The following DGKB variants were observed in gnomAD, a reference collection of about 807,000 sequenced individuals.
The protein encoded by DGKB is diacylglycerol kinase beta.
DGKB carries 67 observed loss-of-function variants against 114.3 expected under a neutral mutation model. The ratio of observed to expected loss-of-function variants is 0.59; its 90% CI spans 0.48 to 0.72. The LOEUF (loss-of-function observed/expected upper bound fraction) is 0.72. Ranked by LOEUF, DGKB falls within the 30% of genes least tolerant of loss-of-function variation. The pLI, the probability that DGKB is intolerant of heterozygous loss-of-function variation, is 0.00. For synonymous variants in DGKB, 398 were observed against 323.1 expected, an observed-to-expected ratio of 1.23 and a Z score of -2.49; for missense variants, 907 against 975.2, an observed-to-expected ratio of 0.93 and a Z score of 0.93.
chr7:14,912,967 T>C (rs1422579789), intron 1 of DGKB, among the ~76,000 whole-genome samples: 3 of 152,184 alleles, frequency 2.0e-5, no homozygotes, highest in Non-Finnish European at 4.4e-5. Flanking sequence ...ACCATTTCTT[T>C]CCGATTTTGT....
chr7:14,657,968 T>G (rs540489824), intron 13 of DGKB, among the ~76,000 whole-genome samples: 2 of 152,066 alleles, frequency 1.3e-5, no homozygotes, highest in East Asian at 3.9e-4. Flanking sequence ...CTTTCTGACA[T>G]TGCTGAGAAA....
intron 20 of DGKB, among the ~76,000 whole-genome samples, chr7:14,572,803 T>C (rs1241962894): frequency 6.6e-6 from 1 of 152,212 alleles, no homozygotes; most frequent in Non-Finnish European, 1.5e-5. Context: ...GGACTCCAGA[T>C]GCAAAACTCC....
intron 1 of DGKB, among the ~76,000 whole-genome samples, chr7:14,933,654 T>C (rs371175680): frequency 6.6e-6 from 1 of 152,148 alleles, no homozygotes; most frequent in South Asian, 2.1e-4. Context: ...AAAACTAATG[T>C]ATACAAAGAT....
intron 13 of DGKB, among the ~76,000 whole-genome samples, chr7:14,658,860 A>C (rs1816408710): frequency 6.6e-6 from 1 of 151,914 alleles, no homozygotes; most frequent in Admixed American, 6.6e-5. Context: ...GTGAACTAAC[A>C]AGCTTCATAA....
chr7:14,157,766 T>C (rs1377355312), intron 25 of DGKB, among the ~76,000 whole-genome samples: 1 of 152,200 alleles, frequency 6.6e-6, no homozygotes, highest in Admixed American at 6.6e-5. Context: ...TACAGAGAAA[T>C]GATCCTCACA....
intron 25 of DGKB, among the ~76,000 whole-genome samples, chr7:14,174,641 C>T (rs1781459322): frequency 6.6e-6 from 1 of 152,122 alleles, no homozygotes; most frequent in South Asian, 2.1e-4. Context: ...TGCATCACAA[C>T]CACCACCATT....
At chr7:14,221,878 G>C (rs1277571576) in intron 23 of DGKB, among the ~76,000 whole-genome samples, 3 of 151,246 alleles carry the variant, frequency 2.0e-5, no homozygotes, top group Non-Finnish European at 4.4e-5. Context: ...TCTTGAGTCA[G>C]TTTCAGTAGT....
chr7:14,743,804 G>A (rs1287141155), intron 4 of DGKB, among the ~76,000 whole-genome samples: 1 of 151,928 alleles, frequency 6.6e-6, no homozygotes, highest in African/African-American at 2.4e-5. Flanking sequence ...TAACTACCCT[G>A]GTCATTTTGT....
At chr7:14,642,794 A>C (rs896142415) in intron 13 of DGKB, among the ~76,000 whole-genome samples, 3 of 152,234 alleles carry the variant, frequency 2.0e-5, no homozygotes, top group Non-Finnish European at 4.4e-5. Flanking sequence ...TGTTTTGAAT[A>C]CTGTTAGCAA....
intron 1 of DGKB, among the ~76,000 whole-genome samples, chr7:14,868,117 T>C (rs1851941879): frequency 1.3e-5 from 2 of 152,094 alleles, no homozygotes; most frequent in African/African-American, 4.8e-5. Flanking sequence ...TAACTAGACC[T>C]TCTTCTTCTG....
chr7:14,217,719 A>G (rs1481530592), intron 23 of DGKB, among the ~76,000 whole-genome samples: 1 of 152,058 alleles, frequency 6.6e-6, no homozygotes, highest in Non-Finnish European at 1.5e-5. Context: ...AATATTTTCC[A>G]CATGGAGCTC....
chr7:14,242,285 C>G (rs17765925), intron 23 of DGKB, among the ~76,000 whole-genome samples: 31,772 of 151,992 alleles, frequency 0.21, 3,639 homozygotes, highest in Middle Eastern at 0.27. Flanking sequence ...GATAAATCAG[C>G]CAAACCGAAA....
intron 1 of DGKB, among the ~76,000 whole-genome samples, chr7:14,909,213 CTA>C (rs1484349838): frequency 1.3e-5 from 2 of 152,110 alleles, no homozygotes; most frequent in African/African-American, 4.8e-5. Flanking sequence ...GCTCACACAG[CTA>C]TGTCTGTTAA....
chr7:14,175,220 C>G (rs888350179), intron 25 of DGKB, among the ~76,000 whole-genome samples: 1 of 152,118 alleles, frequency 6.6e-6, no homozygotes, highest in Non-Finnish European at 1.5e-5. Flanking sequence ...TGTATTTTCT[C>G]CATCTAAAAA....
chr7:14,698,623 A>G (rs1256546455), intron 7 of DGKB, among the ~76,000 whole-genome samples: 2 of 152,130 alleles, frequency 1.3e-5, no homozygotes, highest in Non-Finnish European at 2.9e-5. Context: ...TTAGTCATGT[A>G]TTGAATAATT....
intron 21 of DGKB, among the ~76,000 whole-genome samples, chr7:14,446,055 C>A (rs1026459194): frequency 6.6e-6 from 1 of 152,020 alleles, no homozygotes; most frequent in Non-Finnish European, 1.5e-5. Flanking sequence ...ATATCTAGTT[C>A]CCCTTTCACA....
At chr7:14,204,961 C>T (rs1247768687) in intron 23 of DGKB, among the ~76,000 whole-genome samples, 2 of 152,048 alleles carry the variant, frequency 1.3e-5, no homozygotes, top group African/African-American at 2.4e-5. Flanking sequence ...ACAACTGTAG[C>T]TATTCAAGAA....
At chr7:14,617,044 ATTTTAGAGTTAGACTGG>A (rs1806670824) in intron 15 of DGKB, among the ~76,000 whole-genome samples, 1 of 151,686 alleles carries the variant, frequency 6.6e-6, no homozygotes, top group South Asian at 2.1e-4. Flanking sequence ...AAAGAGCATG[ATTTTAGAGTTAGACTGG>A]TTTTGGATCC....
chr7:14,419,225 G>GA (rs1297674994), intron 21 of DGKB, among the ~76,000 whole-genome samples: 1 of 151,910 alleles, frequency 6.6e-6, no homozygotes, highest in Non-Finnish European at 1.5e-5. Context: ...ATGGGAAAAA[G>GA]AAAAGGAGTG....
Sources: allele counts gnomAD v4.1 joint callset (sites outside exome capture counted in the v4.1 genomes callset), GRCh38; gene constraint gnomAD v4.1.1; transcripts MANE v1.5; gene names NCBI Gene and HGNC (gene_info 2026-07-23, HGNC 2026-07-21).